CACNA1S: variants seen among roughly 807,000 people sequenced by gnomAD.
CACNA1S encodes the protein calcium voltage-gated channel subunit alpha1 S.
A neutral mutation model predicts 207.4 loss-of-function variants in CACNA1S; 126 were observed. That is an observed-to-expected ratio of 0.61 (90% confidence interval 0.53 to 0.70). The LOEUF is 0.70. Ranked by LOEUF, CACNA1S falls within the 30% of genes least tolerant of loss-of-function variation. The probability of loss-of-function intolerance (pLI) is 0.00; values close to 1 mark genes in which losing one functional copy is unlikely to be tolerated. For synonymous variants in CACNA1S, 960 were observed against 932.7 expected, an observed-to-expected ratio of 1.03 and a Z score of -0.53; for missense variants, 2,349 against 2,422.8, an observed-to-expected ratio of 0.97 and a Z score of 0.64.
In CACNA1S at chr1:201,085,488, G is replaced by A; in HGVS notation, c.1098C>T (p.Tyr366=). 1 of 1,613,278 alleles carries A rather than the reference G, an allele frequency of 6.2e-7. No homozygotes were observed. The highest frequency in any genetic ancestry group is 2.2e-5 in the East Asian group (1 of 44,842). The part of the protein sequence containing the change: ...KQQLDEDLRG[Y]MSWITQGEVM... Reference sequence around the variant, plus strand: ...CCTCGCCCTGCGTGATCCAGCTCATGTAGCCCCGAAGGTCCTCATCTAGTT... The same window carrying A: ...CCTCGCCCTGCGTGATCCAGCTCATATAGCCCCGAAGGTCCTCATCTAGTT... Residue 366 remains tyrosine, a synonymous_variant, in exon 8 of 44, where the codon TAC becomes TAT. Coordinates refer to ENST00000362061, the MANE Select transcript of CACNA1S (RefSeq NM_000069.3).
chr1:201,064,672 GT>G (rs1661182862), intron 22 of CACNA1S, among the ~76,000 whole-genome samples: 1 of 152,228 alleles, frequency 6.6e-6, no homozygotes, highest in Non-Finnish European at 1.5e-5. Flanking sequence ...TATCAAGGGT[GT>G]TGGTGTATAC....
At chr1:201,102,880 C>T (rs1013779749) in intron 2 of CACNA1S, among the ~76,000 whole-genome samples, 1 of 152,090 alleles carries the variant, frequency 6.6e-6, no homozygotes, top group Non-Finnish European at 1.5e-5. Context: ...TCTGTCTTTG[C>T]CCCCCGAGGC....
intron 5 of CACNA1S, 151 bp from the exon 6 acceptor site, chr1:201,089,614 C>A: frequency 3.8e-6 from 3 of 782,838 alleles, no homozygotes; most frequent in Non-Finnish European, 4.3e-6. Context: ...ATGGAGCAGA[C>A]GGTGACAGTG....
rs114501158 is a variant in CACNA1S at position 201,106,076 on chromosome 1, C to T, written c.258+4088G>A. Among the ~76,000 whole-genome samples the T allele has an allele frequency of 4.2e-3, 644 of 152,236 alleles. 3 individuals are homozygous for T. Among genetic ancestry groups the T allele is most frequent in the South Asian group, 8.3e-3 (40 of 4,820 alleles). ...GAACTCACCACCTTCCTCCTCCCTA[C>T]CCCCATCTGCAGTCTTGGTAAGTGA... On this transcript the variant is annotated intron_variant, in intron 2 of 43. Transcript: ENST00000362061.
intron 13 of CACNA1S, among the ~76,000 whole-genome samples, chr1:201,075,143 C>A (rs943606558): frequency 1.3e-5 from 2 of 152,270 alleles, no homozygotes; most frequent in South Asian, 2.1e-4. Context: ...CCTGGTGGCT[C>A]CCTGCCTGCC....
chr1:201,042,634 G>C (rs145367736), intron 40 of CACNA1S, among the ~76,000 whole-genome samples: 1 of 152,182 alleles, frequency 6.6e-6, no homozygotes, highest in Admixed American at 6.5e-5. Context: ...AGGGGTGCAG[G>C]CAGCCCTGGC....
Position 201,060,449 on chromosome 1 carries a change from A to C in CACNA1S, c.3414+209T>G, listed in dbSNP as rs546881266. Among the ~76,000 whole-genome samples, 3 of 152,274 alleles carry C rather than the reference A, an allele frequency of 2.0e-5. No homozygotes were observed. In the East Asian group the frequency reaches 5.8e-4, roughly 29 times the overall value. On this transcript the variant is annotated intron_variant, in intron 26 of 43. Coordinates refer to ENST00000362061, the MANE Select transcript of CACNA1S (RefSeq NM_000069.3). ...TTTGCAGAATTACCGTACTATTTTT[A>C]TGCTTGAATTACCTCCTTAATAAAC...
intron 31 of CACNA1S, among the ~76,000 whole-genome samples, chr1:201,052,892 C>T (rs1660704073): frequency 6.6e-6 from 1 of 151,974 alleles, no homozygotes; most frequent in Non-Finnish European, 1.5e-5. Context: ...AGCAAGCAGA[C>T]CCGGTAAGTC....
intron 37 of CACNA1S, 69 bp downstream of exon 37, chr1:201,047,456 C>G: frequency 7.2e-7 from 1 of 1,392,572 alleles, no homozygotes; most frequent in Non-Finnish European, 1.0e-6. Flanking sequence ...CCATGGGGCT[C>G]CTTGGAGAAG....
intron 26 of CACNA1S, 60 bp downstream of exon 26, chr1:201,060,598 G>A (rs1313919749): frequency 1.9e-6 from 3 of 1,587,132 alleles, no homozygotes; most frequent in Non-Finnish European, 2.6e-6. Flanking sequence ...TACTCATCCT[G>A]CCCTACCCAA....
rs537546263 is a variant in CACNA1S at position 201,053,104 on chromosome 1, G to A, written c.3861+105C>T. On this transcript the variant is annotated intron_variant, in intron 31 of 43. Transcript: ENST00000362061. The surrounding 1 kb of genome is among the most constrained non-coding windows in gnomAD (Gnocchi z 5.1). ...CTTTCTCACGAGCAAGGCAGGGAGG[G>A]CGGAGGGTCCAGCCCGTGTGCTGCT... 154 of 1,276,726 alleles carry A rather than the reference G, an allele frequency of 1.2e-4. No individual in the cohort carries two copies. Among genetic ancestry groups the A allele is most frequent in the Non-Finnish European group, 1.4e-4 (123 of 872,256 alleles). 79.1% of individuals were successfully genotyped at this position (1,276,726 alleles called of 1,614,324 possible). A position where few individuals can be genotyped will look rare whatever the true frequency, so the allele number is the denominator to read the frequency against.
chr1:201,051,605 A>T (rs1418295139), intron 32 of CACNA1S, among the ~76,000 whole-genome samples: 2 of 152,176 alleles, frequency 1.3e-5, no homozygotes, highest in African/African-American at 4.8e-5. Context: ...TTGAATGAAG[A>T]ATCTCAATGC....
intron 12 of CACNA1S, among the ~76,000 whole-genome samples, chr1:201,076,201 C>G (rs1237796212): frequency 4.6e-5 from 7 of 152,234 alleles, no homozygotes; most frequent in Non-Finnish European, 8.8e-5. Flanking sequence ...GCTTCACCCA[C>G]CCAGGCCTCC....
intron 10 of CACNA1S, among the ~76,000 whole-genome samples, chr1:201,080,660 G>A (rs375714997): frequency 1.2e-4 from 18 of 151,500 alleles, no homozygotes; most frequent in African/African-American, 4.4e-4. Context: ...CAGGTTTTTG[G>A]GGCTGCCAGC....
chr1:201,093,751 A>G (rs1265120887), intron 3 of CACNA1S, 131 bp downstream of exon 3: 1 of 1,146,656 alleles, frequency 8.7e-7, no homozygotes, highest in African/African-American at 1.5e-5. Flanking sequence ...CCTCTAACAG[A>G]GGCTGCTCCA....
intron 2 of CACNA1S, among the ~76,000 whole-genome samples, chr1:201,099,307 A>G (rs1220720329): frequency 2.0e-5 from 3 of 152,116 alleles, no homozygotes; most frequent in African/African-American, 7.2e-5. Context: ...CAGGCTCCCC[A>G]TGTGCCCCGC....
rs1466802488 is a variant in CACNA1S, at chr1:201,047,594, C to T, written c.4474G>A (p.Ala1492Thr). The stretch of plus-strand genomic sequence containing the variant: ...CTCTTCCAGATCTTCTTGATGATGG[C>T]CCTCAGCTCCTCGTTGGCCTGCTCA... ...NFEQANEELR[A>T]IIKKIWKRTS... Residue 1492 changes from alanine to threonine, a missense_variant, in exon 37 of 44, where the codon GCC becomes ACC. By Grantham distance (58) the Ala-to-Thr change is moderately conservative. Coordinates refer to ENST00000362061, the MANE Select transcript of CACNA1S (RefSeq NM_000069.3). 2 of 1,614,080 alleles carry T rather than the reference C, an allele frequency of 1.2e-6. No individual in the cohort carries two copies. Among genetic ancestry groups the T allele is most frequent in the Non-Finnish European group, 1.7e-6 (2 of 1,180,040 alleles).
chr1:201,082,878 C>T (rs899804068), intron 10 of CACNA1S, among the ~76,000 whole-genome samples: 11 of 152,214 alleles, frequency 7.2e-5, no homozygotes, highest in Non-Finnish European at 1.5e-4. Context: ...GACACCTGGG[C>T]AAGCACCTGT....
chr1:201,096,320 G>A (rs567598603), intron 2 of CACNA1S, among the ~76,000 whole-genome samples: 11 of 152,318 alleles, frequency 7.2e-5, no homozygotes, highest in South Asian at 4.1e-4. Context: ...GTGAGCCCCC[G>A]TTCCGGAGGA....
Sources: gnomAD v4.1 joint callset for allele counts (sites outside exome capture counted in the v4.1 genomes callset) on GRCh38, gnomAD v4.1.1 for gene constraint, Gnocchi (gnomAD v3.1) non-coding constraint, MANE v1.5 for transcripts, NCBI Gene and HGNC (gene_info 2026-07-23, HGNC 2026-07-21) for gene names.